AP2A1: variants seen among roughly 807,000 people sequenced by gnomAD.
The protein encoded by AP2A1 is adaptor related protein complex 2 subunit alpha 1.
In AP2A1, 21 loss-of-function variants were observed where a neutral mutation model predicts 107.3. The ratio of observed to expected loss-of-function variants is 0.20; its 90% CI spans 0.14 to 0.28. The LOEUF (loss-of-function observed/expected upper bound fraction) is 0.28, where lower values mean the gene tolerates loss of function less well. Among genes scored for constraint, AP2A1 ranks in the 10% least tolerant of loss-of-function variants. The pLI is 1.00. For synonymous variants in AP2A1, 602 were observed against 564.8 expected (o/e 1.07, Z -0.93); for missense variants, 873 against 1,307.7 (o/e 0.67, Z 5.13).
At chr19:49,776,057 C>T (rs1482551988) in intron 1 of AP2A1, among the ~76,000 whole-genome samples, 1 of 152,130 alleles carries the variant, frequency 6.6e-6, no homozygotes, top group East Asian at 1.9e-4. Flanking sequence ...ATGTTGGCCG[C>T]CTTCGCACCC....
At chr19:49,806,444 T>C in intron 22 of AP2A1, 191 bp downstream of exon 22, 1 of 1,436,070 alleles carries the variant, frequency 7.0e-7, no homozygotes, top group Non-Finnish European at 9.1e-7. Context: ...GGTGTTCCTC[T>C]CCTCTTCCTG....
Position 49,769,268 on chromosome 19 carries a change from G to T in AP2A1, c.67+2068G>T, listed in dbSNP as rs55772183. 5.4e-5 allele frequency among the ~76,000 whole-genome samples: 8 copies of T among 148,258 alleles called. No individual in the cohort carries two copies. The Admixed American group carries it at 5.4e-4, about 10-fold the overall frequency. On this transcript the variant is annotated intron_variant, in intron 1 of 22. Coordinates refer to ENST00000354293, the MANE Select transcript of AP2A1 (RefSeq NM_130787.3). ...CTCCGTCTCCAAAAATAAAAAAAAA[G>T]AAAAAGAAACTCCTGTCCTTGGGAG... is the stretch of plus-strand genomic sequence containing the variant.
intron 6 of AP2A1, among the ~76,000 whole-genome samples, chr19:49,793,593 GACACCAGGGAC>G (rs1267073451): frequency 6.6e-6 from 1 of 152,198 alleles, no homozygotes; most frequent in Non-Finnish European, 1.5e-5. Context: ...CATGTCGGGT[GACACCAGGGAC>G]ACAGATGAGT....
At chr19:49,806,084 C>T (rs1309056977) in intron 21 of AP2A1, 35 bp from the exon 22 acceptor site, 4 of 1,584,420 alleles carry the variant, frequency 2.5e-6, no homozygotes, top group Admixed American at 1.8e-5. Flanking sequence ...ACTAACAGCT[C>T]TGGCACACTC....
rs1020346757 is a variant in AP2A1, at chr19:49,803,209, G to A, written c.2254+20G>A. On this transcript the variant is annotated intron_variant, in intron 17 of 22. Coordinates refer to ENST00000354293, the MANE Select transcript of AP2A1 (RefSeq NM_130787.3). The stretch of plus-strand genomic sequence containing the variant: ...ACCTGGGTGTGTCCCGGGGGACTGT[G>A]GGAATGGGTCGGAGGGAGACCTTGG... 6 of 1,613,798 alleles carry A rather than the reference G, an allele frequency of 3.7e-6. No homozygotes were observed. In the African/African-American group the frequency reaches 5.3e-5, roughly 14 times the overall value.
In AP2A1 at chr19:49,800,184, C is replaced by T. The variant is rs376823198; in HGVS notation, c.1455+34C>T. 145 of 1,576,174 alleles carry T rather than the reference C, an allele frequency of 9.2e-5. No individual in the cohort carries two copies. The African/African-American group carries it at 1.7e-3, about 18-fold the overall frequency. ...CCCTGACCCTGACCCTATGACCCCA[C>T]GACAGGACCTAGAGGCAGAGCAAGG... On this transcript the variant is annotated intron_variant, in intron 11 of 22. Transcript: ENST00000354293.
At chr19:49,801,349 C>T in intron 12 of AP2A1, 41 bp from the exon 13 acceptor site, 5 of 1,569,742 alleles carry the variant, frequency 3.2e-6, no homozygotes, top group Non-Finnish European at 3.5e-6. Context: ...TGGGAGAGGG[C>T]AGTGGAACCT....
intron 6 of AP2A1, 77 bp from the exon 7 acceptor site, chr19:49,795,553 T>C (rs2073201324): frequency 2.0e-6 from 2 of 978,926 alleles, no homozygotes; most frequent in Non-Finnish European, 1.6e-6. Flanking sequence ...AAGGCACCAT[T>C]TGCTCCACCC....
At chr19:49,771,470 G>A (rs757854485) in intron 1 of AP2A1, among the ~76,000 whole-genome samples, 33 of 151,686 alleles carry the variant, frequency 2.2e-4, no homozygotes, top group South Asian at 4.2e-4. Flanking sequence ...CAAAAATGGC[G>A]CGATCTTGGC....
chr19:49,799,032 G>A (rs2073244808), intron 8 of AP2A1, 80 bp downstream of exon 8: 2 of 1,510,428 alleles, frequency 1.3e-6, no homozygotes, highest in Non-Finnish European at 1.8e-6. Context: ...TGAGTCCTAG[G>A]CAGAGGGCAG....
chr19:49,806,583 C>T (rs1600253201), intron 22 of AP2A1, 98 bp from the exon 23 acceptor site: 1 of 1,552,934 alleles, frequency 6.4e-7, no homozygotes, highest in Non-Finnish European at 8.7e-7. Flanking sequence ...TATCACCTTT[C>T]TGGCCCCTTT....
At chr19:49,802,453 T>C (rs1478077270) in intron 15 of AP2A1, 11 of 1,367,010 alleles carry the variant, frequency 8.0e-6, no homozygotes, top group Admixed American at 3.8e-5. Flanking sequence ...CTGTCTCTCT[T>C]CTGCCCTCTC....
At chr19:49,797,810 A>T (rs1248089772) in intron 7 of AP2A1, among the ~76,000 whole-genome samples, 2 of 152,160 alleles carry the variant, frequency 1.3e-5, no homozygotes, top group African/African-American at 4.8e-5. Flanking sequence ...TGCCAGGCTC[A>T]GTGGCTAACA....
intron 4 of AP2A1, among the ~76,000 whole-genome samples, chr19:49,790,840 C>T (rs567921722): frequency 6.4e-4 from 98 of 152,334 alleles, no homozygotes; most frequent in South Asian, 1.2e-3. Flanking sequence ...AGAAGATAAA[C>T]GTGTGAATCC....
intron 1 of AP2A1, among the ~76,000 whole-genome samples, chr19:49,779,293 C>T (rs192709465): frequency 1.3e-4 from 19 of 147,150 alleles, no homozygotes; most frequent in Admixed American, 9.6e-4. Context: ...GCTGAAATTG[C>T]GCCACTGCAC....
At chr19:49,801,146 A>C (rs2073273884) in intron 12 of AP2A1, 88 bp downstream of exon 12, 1 of 1,280,554 alleles carries the variant, frequency 7.8e-7, no homozygotes, top group Non-Finnish European at 1.1e-6. Flanking sequence ...CAGGGCAGGC[A>C]GTGATGGGCT....
intron 18 of AP2A1, 80 bp from the exon 19 acceptor site, chr19:49,805,363 GCGGGAGCTGC>G: frequency 1.4e-6 from 2 of 1,397,198 alleles, no homozygotes; most frequent in Non-Finnish European, 1.9e-6. Flanking sequence ...AGACCTGCAG[GCGGGAGCTGC>G]CGGGAGCTCT....
chr19:49,782,481 G>A (rs1488101900), intron 3 of AP2A1, 50 bp from the exon 4 acceptor site: 2 of 1,570,920 alleles, frequency 1.3e-6, no homozygotes, highest in South Asian at 2.4e-5. Flanking sequence ...TTGGATCTGG[G>A]GCCACTCAGT....
Position 49,767,132 on chromosome 19 carries a change from T to A in AP2A1, c.-2T>A. 1 of 1,611,222 alleles carries A rather than the reference T, an allele frequency of 6.2e-7. No homozygotes were observed. The highest frequency in any genetic ancestry group is 8.5e-7 in the Non-Finnish European group (1 of 1,179,602). On this transcript the variant is annotated 5_prime_UTR_variant, in exon 1 of 23. Transcript: ENST00000354293. ...AGGCCTGGAGCCGACACCACCGCCA[T>A]CATGCCGGCCGTGTCCAAGGGCGAT...
Sources: allele counts gnomAD v4.1 joint callset (sites outside exome capture counted in the v4.1 genomes callset), GRCh38; gene constraint gnomAD v4.1.1; transcripts MANE v1.5; gene names NCBI Gene and HGNC (gene_info 2026-07-23, HGNC 2026-07-21).